Variants in ATP9A observed in about 807,000 individuals in gnomAD.
The protein encoded by ATP9A is ATPase phospholipid transporting 9A, also known as probable phospholipid-transporting ATPase IIA.
ATP9A carries 52 observed loss-of-function variants against 144.1 expected under a neutral mutation model. The ratio of observed to expected loss-of-function variants is 0.36; its 90% CI spans 0.29 to 0.45. The LOEUF (loss-of-function observed/expected upper bound fraction) is 0.45, where lower values mean the gene tolerates loss of function less well. Ranked by LOEUF, ATP9A falls within the 20% of genes least tolerant of loss-of-function variation. The pLI is 1.00. For missense variants in ATP9A, 947 were observed against 1,392.7 expected (o/e 0.68, Z 5.09); for synonymous variants, 582 against 557.4 (o/e 1.04, Z -0.62).
At chr20:51,767,188 G>A (rs1039844663) in intron 1 of ATP9A, among the ~76,000 whole-genome samples, 1 of 151,862 alleles carries the variant, frequency 6.6e-6, no homozygotes, top group African/African-American at 2.4e-5. Context: ...GGCCGCCACC[G>A]GGAAATGCCC....
At chr20:51,759,177 C>T (rs1473338439) in intron 1 of ATP9A, among the ~76,000 whole-genome samples, 4 of 152,232 alleles carry the variant, frequency 2.6e-5, no homozygotes. Context: ...TGGGCCGCTG[C>T]CAAGCTCCAC....
intron 25 of ATP9A, among the ~76,000 whole-genome samples, 193 bp downstream of exon 25, chr20:51,608,325 T>C (rs1463572607): frequency 2.0e-5 from 3 of 152,192 alleles, no homozygotes; most frequent in African/African-American, 7.2e-5. Flanking sequence ...GTGAATATAT[T>C]ACTGCTTTAA....
chr20:51,726,536 G>A (rs2077713946), intron 2 of ATP9A, among the ~76,000 whole-genome samples: 1 of 152,044 alleles, frequency 6.6e-6, no homozygotes, highest in Middle Eastern at 3.2e-3. Context: ...AATCTAACAT[G>A]GAGGGGCACA....
intron 1 of ATP9A, among the ~76,000 whole-genome samples, chr20:51,745,638 A>G (rs538135919): frequency 6.6e-5 from 10 of 151,526 alleles, no homozygotes; most frequent in Non-Finnish European, 1.5e-4. Flanking sequence ...TGCCCAGGAG[A>G]CCCCCCACCA....
chr20:51,690,075 G>A (rs977259026), intron 8 of ATP9A, among the ~76,000 whole-genome samples: 4 of 127,834 alleles, frequency 3.1e-5, no homozygotes, highest in African/African-American at 1.2e-4. Context: ...TCGCGCCACT[G>A]CACTCCAGCC....
At chr20:51,754,220 C>T (rs1367232661) in intron 1 of ATP9A, among the ~76,000 whole-genome samples, 2 of 151,990 alleles carry the variant, frequency 1.3e-5, no homozygotes, top group Non-Finnish European at 2.9e-5. Context: ...AGGAAGCCAA[C>T]GCTGGGCGCG....
chr20:51,682,739 G>A (rs1312101632), intron 9 of ATP9A, among the ~76,000 whole-genome samples: 1 of 148,870 alleles, frequency 6.7e-6, no homozygotes, highest in Non-Finnish European at 1.5e-5. Context: ...TTACAGGCAC[G>A]CACCACCACA....
At chr20:51,674,626 G>C (rs1263543122) in intron 10 of ATP9A, among the ~76,000 whole-genome samples, 1 of 152,176 alleles carries the variant, frequency 6.6e-6, no homozygotes, top group Non-Finnish European at 1.5e-5. Flanking sequence ...AAATGTATCA[G>C]CGAGTTACTG....
chr20:51,673,097 G>A (rs1325125946), intron 11 of ATP9A, among the ~76,000 whole-genome samples: 3 of 152,140 alleles, frequency 2.0e-5, no homozygotes, highest in Non-Finnish European at 4.4e-5. Flanking sequence ...AACCAGGCCA[G>A]GTGCAGTAGC....
chr20:51,612,234 T>C (rs929777369), intron 23 of ATP9A, among the ~76,000 whole-genome samples: 3 of 152,202 alleles, frequency 2.0e-5, no homozygotes, highest in African/African-American at 7.2e-5. Flanking sequence ...CTTAATGGTA[T>C]GGCCAGAAGG....
rs371144955 is a variant in ATP9A at position 51,690,158 on chromosome 20, T to C, written c.723+581A>G. On this transcript the variant is annotated intron_variant, in intron 8 of 27. Transcript: ENST00000338821. ...AAAAAAGGCCAGGCTCAGTGGCTCATGCCTGTAATCCCAGCACTTTGGGAG... is the reference window on the plus strand; with the variant it reads ...AAAAAAGGCCAGGCTCAGTGGCTCACGCCTGTAATCCCAGCACTTTGGGAG... Among the ~76,000 whole-genome samples the C allele has an allele frequency of 9.4e-3, 1,240 of 131,472 alleles. 13 individuals are homozygous for C. Among genetic ancestry groups the C allele is most frequent in the South Asian group, 0.05 (203 of 4,078 alleles). The allele number at this position is 131,472 out of a possible 152,430, so 86.3% of individuals were successfully genotyped here.
intron 1 of ATP9A, among the ~76,000 whole-genome samples, chr20:51,758,962 G>A (rs766193662): frequency 1.1e-4 from 16 of 152,160 alleles, no homozygotes; most frequent in Admixed American, 3.3e-4. Context: ...AAGGAAGCCC[G>A]GCAGGCACGG....
Position 51,613,131 on chromosome 20 carries a change from A to G in ATP9A, c.2571+546T>C, listed in dbSNP as rs111367357. 2.1e-3 allele frequency among the ~76,000 whole-genome samples: 325 copies of G among 152,282 alleles called. 2 individuals are homozygous for G. The highest frequency in any genetic ancestry group is 3.7e-3 in the Non-Finnish European group (251 of 68,016). On this transcript the variant is annotated intron_variant, in intron 23 of 27. Coordinates refer to ENST00000338821, the MANE Select transcript of ATP9A (RefSeq NM_006045.3). ...CAGGCTATTGTGAGGCTTATGTGAGACACTGCATTGTCAACACTTAGCCTG... is the reference window on the plus strand; with the variant it reads ...CAGGCTATTGTGAGGCTTATGTGAGGCACTGCATTGTCAACACTTAGCCTG...
At chr20:51,630,364 T>C (rs1213533094) in intron 15 of ATP9A, among the ~76,000 whole-genome samples, 1 of 152,196 alleles carries the variant, frequency 6.6e-6, no homozygotes, top group African/African-American at 2.4e-5. Context: ...CCAGAATAAA[T>C]GCCCGGAAAG....
intron 14 of ATP9A, among the ~76,000 whole-genome samples, chr20:51,656,355 C>G (rs1460125702): frequency 6.6e-6 from 1 of 152,154 alleles, no homozygotes; most frequent in African/African-American, 2.4e-5. Flanking sequence ...AGTTCAAGAC[C>G]AGCTTGGCCA....
chr20:51,645,014 C>A (rs2077336531), intron 14 of ATP9A, among the ~76,000 whole-genome samples: 1 of 152,292 alleles, frequency 6.6e-6, no homozygotes, highest in Non-Finnish European at 1.5e-5. Flanking sequence ...CAGCTACAGA[C>A]CCCACAGGTT....
chr20:51,709,077 C>G (rs1327392613), intron 4 of ATP9A, among the ~76,000 whole-genome samples: 3 of 152,092 alleles, frequency 2.0e-5, no homozygotes, highest in African/African-American at 7.2e-5. Context: ...GGTAATTGTA[C>G]ATAACTGTGT....
chr20:51,724,777 G>A (rs1469648752), intron 3 of ATP9A, among the ~76,000 whole-genome samples: 1 of 152,228 alleles, frequency 6.6e-6, no homozygotes, highest in African/African-American at 2.4e-5. Flanking sequence ...GGAAGGAACA[G>A]AGGGGCTACT....
intron 15 of ATP9A, among the ~76,000 whole-genome samples, chr20:51,633,689 T>C (rs910902438): frequency 7.3e-5 from 11 of 151,586 alleles, no homozygotes; most frequent in Admixed American, 5.3e-4. Flanking sequence ...AAGGCTGCAA[T>C]GAGCCATGTT....
Sources: gnomAD v4.1 joint callset for allele counts (sites outside exome capture counted in the v4.1 genomes callset) on GRCh38, gnomAD v4.1.1 for gene constraint, MANE v1.5 for transcripts, NCBI Gene and HGNC (gene_info 2026-07-23, HGNC 2026-07-21) for gene names.